Variants in THSD4 observed in about 807,000 individuals in gnomAD.
THSD4 encodes the protein thrombospondin type-1 domain-containing protein 4.
In THSD4, 69 loss-of-function variants were observed where a neutral mutation model predicts 119.0. That is an observed-to-expected ratio of 0.58 (90% CI 0.48 to 0.71). The LOEUF is 0.71. Ranked by LOEUF, THSD4 falls within the 30% of genes least tolerant of loss-of-function variation. THSD4 has a pLI of 0.00. For synonymous variants in THSD4, 524 were observed against 540.4 expected (o/e 0.97, Z 0.42); for missense variants, 1,393 against 1,391.1 (o/e 1.00, Z -0.02).
At chr15:71,582,300 A>G (rs973474622) in intron 7 of THSD4, among the ~76,000 whole-genome samples, 6 of 152,158 alleles carry the variant, frequency 3.9e-5, no homozygotes, top group Non-Finnish European at 5.9e-5. Flanking sequence ...GTTAATGTAT[A>G]GAAGTGCAAC....
rs575829233 is a variant in THSD4 at position 71,775,702 on chromosome 15, CT to C, written c.2915-1529del. ...TTCCAGCCTGGGTGATACAGCGAGA[CT>C]CCGTCTCAAAAAAAATAAAATAAAT... On this transcript the variant is annotated intron_variant, in intron 17 of 17. Transcript: ENST00000261862. 8.5e-5 allele frequency among the ~76,000 whole-genome samples: 13 copies of C among 152,092 alleles called. No homozygotes were observed. In the East Asian group the frequency reaches 2.3e-3, roughly 27 times the overall value.
At chr15:71,774,451 A>G (rs575901657) in intron 17 of THSD4, among the ~76,000 whole-genome samples, 115 of 152,266 alleles carry the variant, frequency 7.6e-4, no homozygotes, top group Non-Finnish European at 1.4e-3. Flanking sequence ...ATGTTTGTTC[A>G]TTGTTGGCAA....
chr15:71,661,721 T>C (rs1195812839), intron 8 of THSD4, among the ~76,000 whole-genome samples: 1 of 152,186 alleles, frequency 6.6e-6, no homozygotes. Flanking sequence ...TTTATGAATT[T>C]CTAATAGATG....
At chr15:71,704,315 G>A (rs2052352908) in intron 8 of THSD4, among the ~76,000 whole-genome samples, 1 of 152,202 alleles carries the variant, frequency 6.6e-6, no homozygotes, top group South Asian at 2.1e-4. Context: ...TCAAATTGTA[G>A]CTCCCATAAT....
intron 7 of THSD4, among the ~76,000 whole-genome samples, chr15:71,448,091 G>C (rs961834869): frequency 1.3e-5 from 2 of 152,168 alleles, no homozygotes; most frequent in African/African-American, 4.8e-5. Flanking sequence ...ACATTGTCAG[G>C]GTTCTGTTAG....
chr15:71,674,024 C>T (rs1398978101), intron 8 of THSD4, among the ~76,000 whole-genome samples: 1 of 152,236 alleles, frequency 6.6e-6, no homozygotes, highest in East Asian at 1.9e-4. Flanking sequence ...GTAGTTGCCT[C>T]TTCCCAGAAG....
chr15:71,726,008 G>A (rs1194422727), intron 8 of THSD4, among the ~76,000 whole-genome samples: 2 of 152,094 alleles, frequency 1.3e-5, no homozygotes, highest in South Asian at 2.1e-4. Context: ...TGAAACCCCC[G>A]ACCTCAGGTG....
At chr15:71,556,834 G>A (rs1056477641) in intron 7 of THSD4, among the ~76,000 whole-genome samples, 1 of 150,568 alleles carries the variant, frequency 6.6e-6, no homozygotes, top group African/African-American at 2.4e-5. Flanking sequence ...ATTTAAATCA[G>A]TTTTATGTAG....
At chr15:71,728,235 C>G (rs55946443) in intron 8 of THSD4, among the ~76,000 whole-genome samples, 24 of 152,326 alleles carry the variant, frequency 1.6e-4, no homozygotes, top group African/African-American at 5.1e-4. Context: ...TCCCTTCCCC[C>G]CTTTTTTCTC....
At chr15:71,465,196 C>G (rs1484459524) in intron 7 of THSD4, among the ~76,000 whole-genome samples, 2 of 152,132 alleles carry the variant, frequency 1.3e-5, no homozygotes, top group Non-Finnish European at 2.9e-5. Context: ...TTGCATTTCA[C>G]TTTGAAGAAA....
intron 4 of THSD4, among the ~76,000 whole-genome samples, chr15:71,220,200 G>A (rs1278538839): frequency 6.6e-6 from 1 of 152,148 alleles, no homozygotes; most frequent in South Asian, 2.1e-4. Context: ...GTAGAGATAC[G>A]ACCAGGGTTC....
chr15:71,256,849 G>C (rs2044323871), intron 6 of THSD4, 134 bp downstream of exon 6: 1 of 743,044 alleles, frequency 1.3e-6, no homozygotes, highest in Admixed American at 2.9e-5. Flanking sequence ...GTGACTCCAG[G>C]GCAAAGAGAA....
In THSD4 at chr15:71,649,571, A is replaced by G. The variant is rs149215908; in HGVS notation, c.1153-10959A>G. Among the ~76,000 whole-genome samples, 31 of 152,290 alleles carry G rather than the reference A, an allele frequency of 2.0e-4. No individual in the cohort carries two copies. In the East Asian group the frequency reaches 5.8e-3, roughly 29 times the overall value. ...GGATTACAGGCATGAGCCGTGCACC[A>G]GCCTGATAGCTTCTTTTGCTATGCA... On this transcript the variant is annotated intron_variant, in intron 7 of 17. Coordinates refer to ENST00000261862, the MANE Select transcript of THSD4 (RefSeq NM_024817.3).
chr15:71,407,794 C>T (rs767505227), intron 6 of THSD4, among the ~76,000 whole-genome samples: 1 of 152,152 alleles, frequency 6.6e-6, no homozygotes, highest in Non-Finnish European at 1.5e-5. Context: ...AGCAATGATT[C>T]CCAAACTTGA....
intron 7 of THSD4, among the ~76,000 whole-genome samples, chr15:71,642,460 A>C (rs2050877166): frequency 6.6e-6 from 1 of 152,122 alleles, no homozygotes; most frequent in African/African-American, 2.4e-5. Flanking sequence ...GTATATACCC[A>C]AAGGACTATA....
At chr15:71,600,652 A>G (rs1250576150) in intron 7 of THSD4, among the ~76,000 whole-genome samples, 1 of 152,182 alleles carries the variant, frequency 6.6e-6, no homozygotes, top group Non-Finnish European at 1.5e-5. Flanking sequence ...TCATTAACTG[A>G]ACACTCATTA....
intron 6 of THSD4, among the ~76,000 whole-genome samples, chr15:71,350,393 A>G (rs1250390765): frequency 6.6e-6 from 1 of 152,048 alleles, no homozygotes; most frequent in South Asian, 2.1e-4. Flanking sequence ...ATTCCCTGCC[A>G]AGCAGAGAAG....
intron 7 of THSD4, among the ~76,000 whole-genome samples, chr15:71,633,711 A>G (rs1238010993): frequency 6.6e-6 from 1 of 152,230 alleles, no homozygotes; most frequent in Non-Finnish European, 1.5e-5. Context: ...CAAAAATTGT[A>G]AACTTGTCTA....
intron 8 of THSD4, among the ~76,000 whole-genome samples, chr15:71,709,734 T>G (rs2052470391): frequency 6.6e-6 from 1 of 151,980 alleles, no homozygotes; most frequent in Non-Finnish European, 1.5e-5. Flanking sequence ...GATATTAGCT[T>G]ATCTAAGGCA....
Sources: gnomAD v4.1 joint callset for allele counts (sites outside exome capture counted in the v4.1 genomes callset) on GRCh38, gnomAD v4.1.1 for gene constraint, MANE v1.5 for transcripts, NCBI Gene and HGNC (gene_info 2026-07-23, HGNC 2026-07-21) for gene names.